ANO1: variants seen among roughly 807,000 people sequenced by gnomAD.
The protein encoded by ANO1 is anoctamin 1, also known as anoctamin-1.
A neutral mutation model predicts 124.0 loss-of-function variants in ANO1; 59 were observed. The observed-to-expected ratio is 0.48, with a 90% CI of 0.39 to 0.59. ANO1 has a LOEUF of 0.59. Among genes scored for constraint, ANO1 ranks in the 20% least tolerant of loss-of-function variants. The pLI is 0.00. For missense variants in ANO1, 1,059 were observed against 1,328.0 expected, an observed-to-expected ratio of 0.80 and a Z score of 3.15; for synonymous variants, 529 against 532.0, an observed-to-expected ratio of 0.99 and a Z score of 0.08.
upstream of ANO1, among the ~76,000 whole-genome samples, chr11:69,983,960 C>T (rs1477462787): frequency 4.6e-5 from 7 of 152,116 alleles, no homozygotes; most frequent in African/African-American, 1.7e-4. Flanking sequence ...TACAATAGTC[C>T]ATCCCTGCCC....
intron 23 of ANO1, 117 bp from the exon 24 acceptor site, chr11:70,182,385 A>T: frequency 1.2e-6 from 1 of 840,748 alleles, no homozygotes; most frequent in Non-Finnish European, 1.7e-6. Context: ...GGTCCCCGCC[A>T]GAGGCAGTGG....
intron 1 of ANO1, among the ~76,000 whole-genome samples, chr11:70,067,027 C>A (rs916520191): frequency 6.6e-6 from 1 of 152,202 alleles, no homozygotes; most frequent in Admixed American, 6.5e-5. Context: ...GTTTTCCTAA[C>A]TCATGTGACC....
intron 1 of ANO1, among the ~76,000 whole-genome samples, chr11:70,066,483 T>G (rs1555008605): frequency 6.6e-6 from 1 of 152,164 alleles, no homozygotes; most frequent in East Asian, 1.9e-4. Flanking sequence ...CTGGCACCCA[T>G]CATCAGTCTC....
At chr11:70,186,018 G>T (rs2049104193) in intron 25 of ANO1, among the ~76,000 whole-genome samples, 1 of 152,154 alleles carries the variant, frequency 6.6e-6, no homozygotes, top group Non-Finnish European at 1.5e-5. Context: ...AGGCACAGTG[G>T]CTCACACCTG....
At chr11:69,966,041 C>T in the ANO1 span, among the ~76,000 whole-genome samples, 2 of 152,082 alleles carry the variant, frequency 1.3e-5, no homozygotes, top group Non-Finnish European at 2.9e-5. Context: ...TACAGCTCCT[C>T]AGGGCAGGGT....
At chr11:70,178,007 A>G (rs1160883604) in intron 22 of ANO1, among the ~76,000 whole-genome samples, 1 of 152,340 alleles carries the variant, frequency 6.6e-6, no homozygotes, top group East Asian at 1.9e-4. Flanking sequence ...CCTGCCTGCC[A>G]CCGCTTTGCA....
At chr11:70,141,353 T>C (rs2047147450) in intron 11 of ANO1, among the ~76,000 whole-genome samples, 1 of 152,158 alleles carries the variant, frequency 6.6e-6, no homozygotes, top group Non-Finnish European at 1.5e-5. Flanking sequence ...GATGGCTACA[T>C]TCCCCCGACT....
intron 22 of ANO1, among the ~76,000 whole-genome samples, chr11:70,171,590 CT>C (rs1031864272): frequency 6.6e-6 from 1 of 152,214 alleles, no homozygotes; most frequent in African/African-American, 2.4e-5. Flanking sequence ...TCAACTCCAG[CT>C]TTTTCACCCC....
chr11:70,101,894 C>T (rs1431780930), intron 2 of ANO1, among the ~76,000 whole-genome samples: 1 of 152,180 alleles, frequency 6.6e-6, no homozygotes, highest in Non-Finnish European at 1.5e-5. Flanking sequence ...CCCCAAGCCC[C>T]GGAGGACCAA....
At chr11:70,075,994 CGA>C (rs1473283486), upstream of ANO1, among the ~76,000 whole-genome samples, 2 of 152,212 alleles carry the variant, frequency 1.3e-5, no homozygotes, top group Non-Finnish European at 2.9e-5. Context: ...GCGAAGGCCA[CGA>C]GAGGCCTGGA....
intron 1 of ANO1, chr11:70,072,672 G>C (rs1387997907): frequency 3.3e-5 from 5 of 152,290 alleles, no homozygotes; most frequent in Non-Finnish European, 7.3e-5. Flanking sequence ...TCGGTCTTTA[G>C]GGAAATCAGG....
At chr11:70,054,908 A>T (rs1857409867) in intron 1 of ANO1, among the ~76,000 whole-genome samples, 1 of 152,212 alleles carries the variant, frequency 6.6e-6, no homozygotes, top group South Asian at 2.1e-4. Flanking sequence ...TCAAACACAG[A>T]TTTAGCTACA....
intron 15 of ANO1, among the ~76,000 whole-genome samples, chr11:70,156,383 A>G (rs2047818336): frequency 1.3e-5 from 2 of 152,176 alleles, no homozygotes; most frequent in Non-Finnish European, 2.9e-5. Flanking sequence ...CATTTGAAAC[A>G]TCCCGGATTA....
At chr11:69,975,980 GGT>G in the ANO1 span, among the ~76,000 whole-genome samples, 4 of 152,178 alleles carry the variant, frequency 2.6e-5, no homozygotes, top group African/African-American at 4.8e-5. Flanking sequence ...TGCGCCCTGG[GGT>G]GCGGGAAGGA....
At chr11:70,166,998 T>A (rs1038218449) in intron 20 of ANO1, among the ~76,000 whole-genome samples, 1 of 151,926 alleles carries the variant, frequency 6.6e-6, no homozygotes, top group African/African-American at 2.4e-5. Flanking sequence ...ATACAAAAAA[T>A]TAGCCAGGCG....
chr11:70,056,081 T>C (rs568269620), intron 1 of ANO1: 1 of 152,218 alleles, frequency 6.6e-6, no homozygotes, highest in East Asian at 1.9e-4. Context: ...CATTTAGCTT[T>C]ACTCACATAT....
At chr11:70,087,620 C>T (rs1222135857) in intron 1 of ANO1, 132 bp from the exon 2 acceptor site, 2 of 871,920 alleles carry the variant, frequency 2.3e-6, no homozygotes, top group East Asian at 2.8e-5. Flanking sequence ...GTGCCTGGCC[C>T]GTGGAGGGCG....
At position 70,124,411 on chromosome 11, in the gene ANO1, T is replaced by C. The variant is rs773055104; in HGVS notation, c.959T>C (p.Val320Ala). 78 of 1,613,576 alleles carry C rather than the reference T, an allele frequency of 4.8e-5. No individual in the cohort carries two copies. The highest frequency in any genetic ancestry group is 6.3e-5 in the Non-Finnish European group (74 of 1,179,854). ...VFYKYQPIDL[V>A]RKYFGEKIGL... ...TATAAGTACCAGCCCATCGACCTGG[T>C]CAGGTAAGAACGCGCCACAGCCTGC... Residue 320 changes from valine to alanine, a missense_variant, in exon 9 of 26, where the codon GTC (valine) becomes GCC (alanine). This residue lies in a region of ANO1 where 809 missense variants were observed against 1,094.9 expected (regional missense o/e 0.74). Transcript: ENST00000355303.
intron 10 of ANO1, among the ~76,000 whole-genome samples, chr11:70,131,488 C>T (rs185349120): frequency 1.1e-4 from 17 of 152,204 alleles, no homozygotes; most frequent in Admixed American, 9.8e-4. Flanking sequence ...CCACCATGCC[C>T]GGCTAATTTT....
Sources: gnomAD v4.1 joint callset for allele counts (sites outside exome capture counted in the v4.1 genomes callset) on GRCh38, gnomAD v4.1.1 for gene constraint, gnomAD v4.1.1 regional missense constraint, MANE v1.5 for transcripts, NCBI Gene and HGNC (gene_info 2026-07-23, HGNC 2026-07-21) for gene names.